The following LCOR variants were observed in gnomAD, a reference collection of about 807,000 sequenced individuals.
LCOR encodes ligand-dependent corepressor.
A neutral mutation model predicts 64.4 loss-of-function variants in LCOR; 14 were observed. The ratio of observed to expected loss-of-function variants is 0.22; its 90% confidence interval spans 0.14 to 0.34. The LOEUF (loss-of-function observed/expected upper bound fraction) is 0.34. LCOR is among the 10% of genes least tolerant of loss of function. The probability of loss-of-function intolerance (pLI) is 1.00; values close to 1 mark genes in which losing one functional copy is unlikely to be tolerated. For missense variants in LCOR, 1,686 were observed against 1,765.3 expected, an observed-to-expected ratio of 0.96 and a Z score of 0.80; for synonymous variants, 643 against 642.5, an observed-to-expected ratio of 1.00 and a Z score of -0.01.
chr10:96,981,533 G>A lies in LCOR; in HGVS notation c.1073G>A (p.Gly358Glu), dbSNP rs748232289. Residue 358 changes from glycine (G) to glutamate (E), a missense_variant, in exon 8 of 8, where the codon GGG becomes GAG. Coordinates refer to ENST00000421806, the MANE Select transcript of LCOR (RefSeq NM_001346516.2). ...SEEAWNSGFMGNSSRTADKEN... is the reference protein window; with the variant it reads ...SEEAWNSGFMENSSRTADKEN... ...GAGGCTTGGAACTCAGGGTTTATGGGGAACTCATCTAGAACTGCTGACAAA... is the reference window on the plus strand; with the variant it reads ...GAGGCTTGGAACTCAGGGTTTATGGAGAACTCATCTAGAACTGCTGACAAA... 8.7e-6 allele frequency: 14 copies of A among 1,614,174 alleles called. No individual in the cohort carries two copies. Among genetic ancestry groups the A allele is most frequent in the Non-Finnish European group, 1.1e-5 (13 of 1,180,022 alleles).
chr10:96,923,593 G>A (rs1462056811), intron 4 of LCOR, among the ~76,000 whole-genome samples: 2 of 152,128 alleles, frequency 1.3e-5, no homozygotes, highest in African/African-American at 4.8e-5. Flanking sequence ...AAACTCACAA[G>A]GTGACAGATA....
At chr10:96,854,744 A>T (rs1338873736) in intron 2 of LCOR, among the ~76,000 whole-genome samples, 1 of 152,224 alleles carries the variant, frequency 6.6e-6, no homozygotes, top group Admixed American at 6.5e-5. Flanking sequence ...TTTTGTATAG[A>T]AACAGACTAG....
At chr10:96,954,670 T>A (rs1039735168) in intron 7 of LCOR, among the ~76,000 whole-genome samples, 1 of 152,192 alleles carries the variant, frequency 6.6e-6, no homozygotes, top group Non-Finnish European at 1.5e-5. Flanking sequence ...CGAAACTTTT[T>A]CTCCGAAAAT....
intron 2 of LCOR, among the ~76,000 whole-genome samples, chr10:96,852,699 A>G (rs1190009016): frequency 1.3e-5 from 2 of 152,184 alleles, no homozygotes; most frequent in African/African-American, 2.4e-5. Flanking sequence ...AGTAGAAGCA[A>G]TGGTAGAAGT....
intron 7 of LCOR, among the ~76,000 whole-genome samples, chr10:96,974,271 A>C (rs1053155924): frequency 6.6e-6 from 1 of 152,266 alleles, no homozygotes; most frequent in Non-Finnish European, 1.5e-5. Context: ...AACTAATTTA[A>C]GTATTGGAAA....
At chr10:96,933,020 T>C (rs1486699312) in intron 4 of LCOR, among the ~76,000 whole-genome samples, 1 of 152,238 alleles carries the variant, frequency 6.6e-6, no homozygotes, top group Non-Finnish European at 1.5e-5. Flanking sequence ...ACTGGTCTAA[T>C]TGCAAATTAT....
chr10:96,924,148 G>T (rs1159077383), intron 4 of LCOR, among the ~76,000 whole-genome samples: 1 of 152,182 alleles, frequency 6.6e-6, no homozygotes, highest in Non-Finnish European at 1.5e-5. Context: ...GGAGGAGAAG[G>T]TGGAGGAGAA....
chr10:96,887,846 A>T (rs1398005409), intron 2 of LCOR, among the ~76,000 whole-genome samples: 1 of 151,088 alleles, frequency 6.6e-6, no homozygotes, highest in African/African-American at 2.4e-5. Context: ...ACACCCAGCT[A>T]ATTTTTGTAT....
chr10:96,972,010 G>T (rs1269772232), intron 7 of LCOR, among the ~76,000 whole-genome samples: 1 of 152,050 alleles, frequency 6.6e-6, no homozygotes, highest in Admixed American at 6.5e-5. Context: ...AACATCTCCA[G>T]CTGTAGCCTT....
intron 2 of LCOR, among the ~76,000 whole-genome samples, chr10:96,838,674 G>A (rs1169349623): frequency 6.6e-6 from 1 of 152,050 alleles, no homozygotes; most frequent in Admixed American, 6.6e-5. Context: ...TTCTTTTATG[G>A]CTAAATAACA....
In LCOR at chr10:96,940,918, G is replaced by GGATGGGGCGGCTGGCCGGGCA. The variant is rs1847448357; in HGVS notation, c.-183-3192_-183-3172dup. Reference sequence around the variant, plus strand: ...CGGGCAGAAGTGCCCCCCACCTCCCGGATGGGGCGGCTGGCCGGGCAGAGG... The same window carrying GGATGGGGCGGCTGGCCGGGCA: ...CGGGCAGAAGTGCCCCCCACCTCCCGGATGGGGCGGCTGGCCGGGCAGATGGGGCGGCTGGCCGGGCAGAGG... On this transcript the variant is annotated intron_variant, in intron 4 of 7. Coordinates refer to ENST00000421806, the MANE Select transcript of LCOR (RefSeq NM_001346516.2). 2.0e-5 allele frequency among the ~76,000 whole-genome samples: 3 copies of GGATGGGGCGGCTGGCCGGGCA among 150,026 alleles called. No individual in the cohort carries two copies. The South Asian group carries it at 6.3e-4, about 32-fold the overall frequency.
intron 4 of LCOR, among the ~76,000 whole-genome samples, chr10:96,911,762 C>T (rs758839985): frequency 6.6e-6 from 1 of 152,172 alleles, no homozygotes; most frequent in Non-Finnish European, 1.5e-5. Context: ...TCTTTCCTTC[C>T]TCCCATTTTC....
chr10:96,861,442 C>T (rs1845885808), intron 2 of LCOR, among the ~76,000 whole-genome samples: 1 of 152,294 alleles, frequency 6.6e-6, no homozygotes, highest in East Asian at 1.9e-4. Flanking sequence ...TCACAATCTT[C>T]AACACAGAAC....
rs1279614938 is a variant in LCOR, at chr10:96,969,820, C to T, written c.333-10973C>T. On this transcript the variant is annotated intron_variant, in intron 7 of 7. Transcript: ENST00000421806. ...TTGAGACAAGAGTCTCGCTCTGTTGCCCAGGCTGGAGTGCAGTGGTGTGAT... is the reference window on the plus strand; with the variant it reads ...TTGAGACAAGAGTCTCGCTCTGTTGTCCAGGCTGGAGTGCAGTGGTGTGAT... 5.7e-5 allele frequency among the ~76,000 whole-genome samples: 8 copies of T among 141,350 alleles called. No individual in the cohort carries two copies. In the Admixed American group the frequency reaches 5.8e-4, roughly 10 times the overall value. The allele number at this position is 141,350 out of a possible 152,430, so 92.7% of individuals were successfully genotyped here. A position where few individuals can be genotyped will look rare whatever the true frequency, so the allele number is the denominator to read the frequency against.
chr10:96,889,551 C>T (rs1846404220), intron 2 of LCOR, among the ~76,000 whole-genome samples: 1 of 152,198 alleles, frequency 6.6e-6, no homozygotes, highest in Non-Finnish European at 1.5e-5. Context: ...AGCGTGTGTG[C>T]ACCTTCTCTG....
At chr10:96,894,564 G>T (rs1388840128) in intron 2 of LCOR, among the ~76,000 whole-genome samples, 2 of 152,166 alleles carry the variant, frequency 1.3e-5, no homozygotes, top group African/African-American at 4.8e-5. Context: ...GCTAATCATT[G>T]AACCTTTTTG....
intron 2 of LCOR, among the ~76,000 whole-genome samples, chr10:96,873,969 G>A (rs1012620824): frequency 2.0e-5 from 3 of 152,040 alleles, no homozygotes; most frequent in African/African-American, 4.8e-5. Context: ...ATGAGTTTTC[G>A]CCAAGCTCTC....
intron 7 of LCOR, chr10:96,957,315 G>T (rs1453967571): frequency 8.1e-6 from 8 of 984,980 alleles, no homozygotes; most frequent in Non-Finnish European, 8.4e-6. Context: ...TTGAGATCAT[G>T]TTTGTATAAG....
intron 2 of LCOR, among the ~76,000 whole-genome samples, chr10:96,905,302 A>G (rs1846708761): frequency 6.6e-6 from 1 of 152,176 alleles, no homozygotes; most frequent in Non-Finnish European, 1.5e-5. Context: ...ACAATTTTAT[A>G]TAAACCCAGG....
Sources: allele counts gnomAD v4.1 joint callset (sites outside exome capture counted in the v4.1 genomes callset), GRCh38; gene constraint gnomAD v4.1.1; transcripts MANE v1.5; gene names NCBI Gene and HGNC (gene_info 2026-07-23, HGNC 2026-07-21).